SEMA5A: variants seen among roughly 807,000 people sequenced by gnomAD.
The protein encoded by SEMA5A is semaphorin-5A.
In SEMA5A, 55 loss-of-function variants were observed where a neutral mutation model predicts 135.5. That is an observed-to-expected ratio of 0.41 (90% CI 0.33 to 0.51). The LOEUF (loss-of-function observed/expected upper bound fraction) is 0.51. SEMA5A is among the 20% of genes least tolerant of loss of function. The pLI, the probability that SEMA5A is intolerant of heterozygous loss-of-function variation, is 0.37. For missense variants in SEMA5A, 1,290 were observed against 1,419.9 expected (o/e 0.91, Z 1.47); for synonymous variants, 580 against 546.5 (o/e 1.06, Z -0.85).
intron 13 of SEMA5A, among the ~76,000 whole-genome samples, chr5:9,126,837 G>C (rs1222596027): frequency 6.6e-6 from 1 of 152,150 alleles, no homozygotes; most frequent in Non-Finnish European, 1.5e-5. Flanking sequence ...CACTTCTTTA[G>C]GTTTCACAAT....
intron 21 of SEMA5A, among the ~76,000 whole-genome samples, chr5:9,046,677 C>CTCTT (rs1050323186): frequency 1.3e-5 from 2 of 152,204 alleles, no homozygotes; most frequent in African/African-American, 4.8e-5. Flanking sequence ...TCGGATATCT[C>CTCTT]TCTTTGTCCC....
intron 3 of SEMA5A, among the ~76,000 whole-genome samples, chr5:9,346,514 T>C (rs974637853): frequency 1.3e-5 from 2 of 152,182 alleles, no homozygotes; most frequent in African/African-American, 4.8e-5. Context: ...CCTCTGGGGT[T>C]TCAGGGGTCA....
chr5:9,259,560 C>T (rs1371903854), intron 5 of SEMA5A, among the ~76,000 whole-genome samples: 3 of 151,772 alleles, frequency 2.0e-5, no homozygotes, highest in Non-Finnish European at 2.9e-5. Context: ...CTGTAGATGT[C>T]TATTAGGTCT....
intron 21 of SEMA5A, among the ~76,000 whole-genome samples, chr5:9,047,287 A>T (rs761260402): frequency 2.0e-5 from 3 of 152,224 alleles, no homozygotes; most frequent in Non-Finnish European, 4.4e-5. Context: ...ATACTGTGTC[A>T]TTAGTCAAAT....
intron 3 of SEMA5A, among the ~76,000 whole-genome samples, chr5:9,350,665 C>T (rs1292289833): frequency 6.6e-6 from 1 of 152,164 alleles, no homozygotes; most frequent in Non-Finnish European, 1.5e-5. Context: ...GGCTACATTG[C>T]ATTTCTTTGG....
At chr5:9,346,139 G>T (rs1172094795) in intron 3 of SEMA5A, among the ~76,000 whole-genome samples, 1 of 152,150 alleles carries the variant, frequency 6.6e-6, no homozygotes, top group Non-Finnish European at 1.5e-5. Context: ...TGGCAGAGAG[G>T]AGAAGCTGCT....
Position 9,305,734 on chromosome 5 carries a change from G to GCACACA in SEMA5A, c.270+12632_270+12637dup, listed in dbSNP as rs111746284. ...TATATATATATATATATATTTACAC[G>GCACACA]CACACACACACACACACACACATAT... On this transcript the variant is annotated intron_variant, in intron 5 of 22. Coordinates refer to ENST00000382496, the MANE Select transcript of SEMA5A (RefSeq NM_003966.3). Among the ~76,000 whole-genome samples the GCACACA allele has an allele frequency of 1.1e-3, 156 of 142,536 alleles. 6 individuals are homozygous for GCACACA. Among genetic ancestry groups the GCACACA allele is most frequent in the African/African-American group, 4.0e-3 (154 of 38,956 alleles). The allele number at this position is 142,536 out of a possible 152,430, so 93.5% of individuals were successfully genotyped here. A position where few individuals can be genotyped will look rare whatever the true frequency, so the allele number is the denominator to read the frequency against.
chr5:9,504,736 A>G (rs1404035137), intron 1 of SEMA5A, among the ~76,000 whole-genome samples: 1 of 152,242 alleles, frequency 6.6e-6, no homozygotes, highest in Non-Finnish European at 1.5e-5. Flanking sequence ...GCAAAGAAGG[A>G]GCTGGGAGCC....
At chr5:9,228,460 C>T (rs534323954) in intron 6 of SEMA5A, among the ~76,000 whole-genome samples, 2 of 152,328 alleles carry the variant, frequency 1.3e-5, no homozygotes, top group Admixed American at 1.3e-4. Context: ...GCCGAGGAGC[C>T]TGAAACAGGC....
At chr5:9,086,538 T>C (rs770826998) in intron 16 of SEMA5A, among the ~76,000 whole-genome samples, 2 of 152,224 alleles carry the variant, frequency 1.3e-5, no homozygotes, top group Non-Finnish European at 1.5e-5. Context: ...ATGATTGTGA[T>C]GCCTCCCTAG....
In SEMA5A at chr5:9,286,665, TTCAA is replaced by T. The variant is rs1229899753; in HGVS notation, c.270+31703_270+31706del. Among the ~76,000 whole-genome samples, 6 of 152,304 alleles carry T rather than the reference TTCAA, an allele frequency of 3.9e-5. No homozygotes were observed. In the East Asian group the frequency reaches 7.7e-4, roughly 20 times the overall value. On this transcript the variant is annotated intron_variant, in intron 5 of 22. Transcript: ENST00000382496. The stretch of plus-strand genomic sequence containing the variant: ...TATGTTCCTTATTCATATGTTTTTA[TTCAA>T]TCATTCATTCATATTTTCATAATCT...
At chr5:9,500,074 A>G (rs1284777985) in intron 1 of SEMA5A, among the ~76,000 whole-genome samples, 4 of 152,228 alleles carry the variant, frequency 2.6e-5, no homozygotes, top group Admixed American at 6.5e-5. Context: ...ATCACCCTAC[A>G]GCGCAACATA....
At chr5:9,407,173 G>T (rs1042322890) in intron 2 of SEMA5A, among the ~76,000 whole-genome samples, 2 of 152,160 alleles carry the variant, frequency 1.3e-5, no homozygotes, top group African/African-American at 4.8e-5. Flanking sequence ...AGGCAGAATT[G>T]CTCTCCCTTC....
At chr5:9,429,503 A>C (rs146909811) in intron 2 of SEMA5A, among the ~76,000 whole-genome samples, 3,911 of 152,334 alleles carry the variant, frequency 0.026, 59 homozygotes, top group South Asian at 0.047. Flanking sequence ...TTGATAAACA[A>C]AATATCTCAT....
At chr5:9,506,542 G>A (rs1357765773) in intron 1 of SEMA5A, among the ~76,000 whole-genome samples, 3 of 152,132 alleles carry the variant, frequency 2.0e-5, no homozygotes, top group Non-Finnish European at 1.5e-5. Flanking sequence ...ATGGCCCCAT[G>A]GGGTAGGGTT....
intron 5 of SEMA5A, among the ~76,000 whole-genome samples, chr5:9,258,905 C>T (rs1157743693): frequency 7.0e-6 from 1 of 143,472 alleles, no homozygotes; most frequent in Non-Finnish European, 1.5e-5. Flanking sequence ...ACCTCTGCCT[C>T]CTGGGTTCAA....
chr5:9,107,776 G>T (rs989033737), intron 16 of SEMA5A, among the ~76,000 whole-genome samples: 2 of 152,066 alleles, frequency 1.3e-5, no homozygotes, highest in Admixed American at 6.6e-5. Flanking sequence ...AGCACTCAGT[G>T]GTTGCAGAAC....
chr5:9,264,168 A>T (rs1462523119), intron 5 of SEMA5A, among the ~76,000 whole-genome samples: 1 of 152,224 alleles, frequency 6.6e-6, no homozygotes, highest in South Asian at 2.1e-4. Flanking sequence ...AATAGATCAC[A>T]TTAGTTTTCA....
chr5:9,053,124 C>T (rs192270283), intron 19 of SEMA5A, among the ~76,000 whole-genome samples: 2 of 152,144 alleles, frequency 1.3e-5, no homozygotes, highest in African/African-American at 4.8e-5. Flanking sequence ...AAAGTTAGAC[C>T]AAGAAAAGAA....
Sources: gnomAD v4.1 joint callset for allele counts (sites outside exome capture counted in the v4.1 genomes callset) on GRCh38, gnomAD v4.1.1 for gene constraint, MANE v1.5 for transcripts, NCBI Gene and HGNC (gene_info 2026-07-23, HGNC 2026-07-21) for gene names.